The following ASB7 variants were observed in gnomAD, a reference collection of about 807,000 sequenced individuals.
ASB7 encodes ankyrin repeat and SOCS box protein 7.
A neutral mutation model predicts 32.5 loss-of-function variants in ASB7; 4 were observed. The observed-to-expected ratio is 0.12, with a 90% CI of 0.06 to 0.28. ASB7 has a LOEUF of 0.28. Among genes scored for constraint, ASB7 ranks in the 10% least tolerant of loss-of-function variants. ASB7 has a pLI of 1.00. For missense variants in ASB7, 181 were observed against 407.1 expected (o/e 0.44, Z 4.78); for synonymous variants, 172 against 155.6 (o/e 1.11, Z -0.78).
intron 5 of ASB7, among the ~76,000 whole-genome samples, chr15:100,647,353 A>C (rs1205942595): frequency 6.6e-6 from 1 of 152,256 alleles, no homozygotes; most frequent in Non-Finnish European, 1.5e-5. Context: ...TCGTAAAAGG[A>C]TGAAAGGAGT....
intron 5 of ASB7, chr15:100,645,612 G>A (rs2039992550): frequency 1.2e-6 from 1 of 812,848 alleles, no homozygotes; most frequent in Non-Finnish European, 2.2e-6. Flanking sequence ...ATCTGCTGTG[G>A]TTCATGGGTA....
intron 2 of ASB7, among the ~76,000 whole-genome samples, chr15:100,609,354 G>A (rs1017255721): frequency 3.3e-5 from 5 of 152,124 alleles, no homozygotes; most frequent in Non-Finnish European, 2.9e-5. Context: ...TTATGGTGTC[G>A]GTTAAAAAGT....
intron 2 of ASB7, among the ~76,000 whole-genome samples, chr15:100,609,154 G>C (rs1367593875): frequency 1.3e-5 from 2 of 152,186 alleles, no homozygotes; most frequent in African/African-American, 2.4e-5. Flanking sequence ...GTTTTATCTA[G>C]TTCGGTGTAT....
At chr15:100,642,410 CAT>C (rs2039967696) in intron 5 of ASB7, among the ~76,000 whole-genome samples, 2 of 152,242 alleles carry the variant, frequency 1.3e-5, no homozygotes, top group South Asian at 2.1e-4. Context: ...CACATTACCA[CAT>C]GTGACAGTGT....
chr15:100,629,600 C>G lies in ASB7; in HGVS notation c.375C>G (p.Ala125=), dbSNP rs920583075. 1.9e-6 allele frequency: 3 copies of G among 1,614,020 alleles called. No individual in the cohort carries two copies. Among genetic ancestry groups the G allele is most frequent in the Admixed American group, 3.3e-5 (2 of 59,996 alleles). Residue 125 remains alanine, a synonymous_variant, in exon 5 of 6, where the codon GCC becomes GCG. Coordinates refer to ENST00000332783, the MANE Select transcript of ASB7 (RefSeq NM_198243.3). This position sits in a 1 kb window ranked among gnomAD's most constrained non-coding sequence, Gnocchi z 6.8. The stretch of plus-strand genomic sequence containing the variant: ...GCTGGACTCCCCTCCATGTGGCTGC[C>G]CACTACGGCAGGGACTCATTTGTCC... ...NDGWTPLHVA[A]HYGRDSFVRL...
At chr15:100,618,357 T>C (rs1262960336) in intron 4 of ASB7, among the ~76,000 whole-genome samples, 1 of 152,032 alleles carries the variant, frequency 6.6e-6, no homozygotes, top group East Asian at 1.9e-4. Context: ...CCAAGTGATC[T>C]GCCCACCTCA....
chr15:100,638,957 G>A (rs147991510), intron 5 of ASB7, among the ~76,000 whole-genome samples: 3,502 of 152,104 alleles, frequency 0.023, 47 homozygotes, highest in Non-Finnish European at 0.03. Context: ...CTCCTGTGGC[G>A]GGCTCTGGTC....
At chr15:100,611,481 A>ATTTTTTTTTTTTT (rs1188398570) in intron 3 of ASB7, among the ~76,000 whole-genome samples, 1 of 13,290 alleles carries the variant, frequency 7.5e-5, no homozygotes, top group African/African-American at 1.4e-4. Context: ...GATTGTTTCG[A>ATTTTTTTTTTTTT]TTCTTTTTTT....
intron 4 of ASB7, among the ~76,000 whole-genome samples, chr15:100,616,198 C>G (rs1225592672): frequency 6.6e-6 from 1 of 152,020 alleles, no homozygotes; most frequent in Non-Finnish European, 1.5e-5. Context: ...GAAAAAATGA[C>G]ATATGAGTAA....
chr15:100,633,490 T>G (rs1342643639), intron 5 of ASB7, among the ~76,000 whole-genome samples: 1 of 151,886 alleles, frequency 6.6e-6, no homozygotes, highest in African/African-American at 2.4e-5. Flanking sequence ...GGCAGGAGAA[T>G]CGCTTGAACC....
chr15:100,624,359 C>G (rs1258789493), intron 4 of ASB7, among the ~76,000 whole-genome samples: 1 of 152,174 alleles, frequency 6.6e-6, no homozygotes, highest in Non-Finnish European at 1.5e-5. Flanking sequence ...ATGGATAACG[C>G]AGATACCCTG....
intron 3 of ASB7, among the ~76,000 whole-genome samples, chr15:100,610,329 C>G (rs1313949259): frequency 6.6e-6 from 1 of 151,830 alleles, no homozygotes; most frequent in African/African-American, 2.4e-5. Flanking sequence ...CCCGTCTCTA[C>G]TAAAAATACA....
chr15:100,631,482 C>G (rs965393151), intron 5 of ASB7, among the ~76,000 whole-genome samples: 1 of 152,180 alleles, frequency 6.6e-6, no homozygotes, highest in Non-Finnish European at 1.5e-5. Flanking sequence ...ACGTGATACC[C>G]GCAGTGCTGC....
At chr15:100,631,377 G>A (rs940085045) in intron 5 of ASB7, among the ~76,000 whole-genome samples, 1 of 152,214 alleles carries the variant, frequency 6.6e-6, no homozygotes, top group Non-Finnish European at 1.5e-5. Context: ...GGTCCACACA[G>A]ATCTGCCTGC....
In ASB7 at chr15:100,626,631, G is replaced by GTC. The variant is rs548096320; in HGVS notation, c.212-2792_212-2791dup. On this transcript the variant is annotated intron_variant, in intron 4 of 5. Transcript: ENST00000332783. ...TCTGTCCCCCTCTCCTTCTCTCTCT[G>GTC]TCTCTCTCTCTCTCTGTCTGTCTCT... Among the ~76,000 whole-genome samples the GTC allele has an allele frequency of 4.6e-3, 691 of 150,736 alleles. 4 individuals are homozygous for GTC. Among genetic ancestry groups the GTC allele is most frequent in the African/African-American group, 0.016 (647 of 41,218 alleles).
chr15:100,632,600 C>T (rs1206783849), intron 5 of ASB7, among the ~76,000 whole-genome samples: 3 of 152,092 alleles, frequency 2.0e-5, no homozygotes, highest in Non-Finnish European at 2.9e-5. Flanking sequence ...TCTTCTAGCC[C>T]GCGTGCTGTG....
At position 100,629,079 on chromosome 15, in the gene ASB7, A is replaced by G. The variant is rs1450555462; in HGVS notation, c.212-358A>G. ...AAGAGAAAATAAAACAAAAAGTTCAAAACAGAAGAGAAACATGAAACAGTG... is the reference window on the plus strand; with the variant it reads ...AAGAGAAAATAAAACAAAAAGTTCAGAACAGAAGAGAAACATGAAACAGTG... On this transcript the variant is annotated intron_variant, in intron 4 of 5. Coordinates refer to ENST00000332783, the MANE Select transcript of ASB7 (RefSeq NM_198243.3). This position sits in a 1 kb window ranked among gnomAD's most constrained non-coding sequence, Gnocchi z 6.8. Among the ~76,000 whole-genome samples, 1 of 152,242 alleles carries G rather than the reference A, an allele frequency of 6.6e-6. No homozygotes were observed. The highest frequency in any genetic ancestry group is 1.9e-4 in the East Asian group (1 of 5,196).
chr15:100,614,264 A>G (rs1270531579), intron 4 of ASB7, among the ~76,000 whole-genome samples: 2 of 144,878 alleles, frequency 1.4e-5, no homozygotes, highest in Non-Finnish European at 3.1e-5. Context: ...AAATTGTGAA[A>G]CTCTGCTCAA....
chr15:100,617,243 G>A (rs879322718), intron 4 of ASB7, among the ~76,000 whole-genome samples: 10 of 152,108 alleles, frequency 6.6e-5, no homozygotes, highest in Non-Finnish European at 1.3e-4. Context: ...AATGTGACCT[G>A]TTAAAATGGA....
Sources: allele counts gnomAD v4.1 joint callset (sites outside exome capture counted in the v4.1 genomes callset), GRCh38; gene constraint gnomAD v4.1.1; non-coding constraint Gnocchi (gnomAD v3.1); transcripts MANE v1.5; gene names NCBI Gene and HGNC (gene_info 2026-07-23, HGNC 2026-07-21).